ZNF334: variants seen among roughly 807,000 people sequenced by gnomAD.
The protein encoded by ZNF334 is zinc finger protein 334.
In ZNF334, 14 loss-of-function variants were observed where a neutral mutation model predicts 12.4. The observed-to-expected ratio is 1.13, with a 90% CI of 0.74 to 1.76. The LOEUF (loss-of-function observed/expected upper bound fraction) is 1.76, where lower values mean the gene tolerates loss of function less well. ZNF334 is among the 40% of genes most tolerant of loss of function. The pLI, the probability that ZNF334 is intolerant of heterozygous loss-of-function variation, is 0.00. For synonymous variants in ZNF334, 273 were observed against 269.6 expected (o/e 1.01, Z -0.12); for missense variants, 797 against 804.5 (o/e 0.99, Z 0.11).
chr20:46,463,004 T>C, the ZNF334 span, among the ~76,000 whole-genome samples: 2 of 152,170 alleles, frequency 1.3e-5, no homozygotes. Context: ...CCCAGCACTT[T>C]GGGAGGTCAA....
the ZNF334 span, chr20:46,463,770 T>G: frequency 8.0e-6 from 2 of 251,406 alleles, no homozygotes; most frequent in Admixed American, 8.2e-5. Flanking sequence ...AGGTAAAAAT[T>G]ATTAAGACAG....
rs567403136 is a variant in ZNF334, at chr20:46,509,985, C to T, written c.21+2097G>A. Among the ~76,000 whole-genome samples, 6 of 152,310 alleles carry T rather than the reference C, an allele frequency of 3.9e-5. 1 individual carries two copies. Among genetic ancestry groups the T allele is most frequent in the African/African-American group, 9.6e-5 (4 of 41,570 alleles). On this transcript the variant is annotated intron_variant, in intron 2 of 4. Transcript: ENST00000692313. ...ATGAGGACAGAGACAGTATCTCCTTCATTCAAGCTGAATGTAGACCATCTA... is the reference window on the plus strand; with the variant it reads ...ATGAGGACAGAGACAGTATCTCCTTTATTCAAGCTGAATGTAGACCATCTA...
rs772365628 is a variant in ZNF334, at chr20:46,503,024, G to A, written c.315C>T (p.Asn105=). 2 of 1,613,646 alleles carry A rather than the reference G, an allele frequency of 1.2e-6. No individual in the cohort carries two copies. Among genetic ancestry groups the A allele is most frequent in the East Asian group, 2.2e-5 (1 of 44,812 alleles). Residue 105 remains asparagine, a synonymous_variant, in exon 5 of 5, where the codon AAC becomes AAT. Transcript: ENST00000692313. The part of the protein sequence containing the change: ...KHLTQTVFFS[N]KTLITERENV... ...TCTCTCTTTCTGTAATCAGTGTTTT[G>A]TTGCTGAAGAATACAGTTTGTGTCA... is the stretch of plus-strand genomic sequence containing the variant.
rs199608666 is a variant in ZNF334, at chr20:46,512,150, G to A, written c.-38-10C>T. 4.4e-4 allele frequency: 709 copies of A among 1,607,198 alleles called. 5 individuals carry two copies. In the South Asian group the frequency reaches 6.0e-3, roughly 14 times the overall value. ...AGTGTTGAAAGCAGAGCTGGGTAAG[G>A]AAGAATGGCGAATGGAATCATGAGC... On this transcript the variant is annotated splice_polypyrimidine_tract_variant and intron_variant, in intron 1 of 4. Coordinates refer to ENST00000692313, the MANE Select transcript of ZNF334 (RefSeq NM_001353824.2).
chr20:46,481,758 A>T, the ZNF334 span, among the ~76,000 whole-genome samples: 1 of 152,220 alleles, frequency 6.6e-6, no homozygotes, highest in Non-Finnish European at 1.5e-5. Flanking sequence ...AAACTATGCT[A>T]ATTAAAATAA....
chr20:46,504,800 CAT>C, intron 2 of ZNF334, 60 bp from the exon 3 acceptor site: 2 of 1,490,856 alleles, frequency 1.3e-6, no homozygotes, highest in Non-Finnish European at 1.8e-6. Flanking sequence ...TGTATGGTAA[CAT>C]AAACTATAAG....
At chr20:46,473,179 A>G in the ZNF334 span, among the ~76,000 whole-genome samples, 1 of 152,112 alleles carries the variant, frequency 6.6e-6, no homozygotes, top group South Asian at 2.1e-4. Flanking sequence ...TGTAAATCTT[A>G]TTTTTATTTG....
downstream of ZNF334, among the ~76,000 whole-genome samples, chr20:46,497,963 C>CG (rs2061051597): frequency 5.4e-5 from 2 of 36,854 alleles, no homozygotes; most frequent in Non-Finnish European, 9.2e-5. Context: ...CAAGATTTCC[C>CG]CGTCTATGGA....
intron 2 of ZNF334, 182 bp from the exon 3 acceptor site, chr20:46,504,922 T>C: frequency 3.8e-6 from 2 of 528,288 alleles, no homozygotes; most frequent in Non-Finnish European, 6.5e-6. Flanking sequence ...TTTAAAAATG[T>C]GCTGAGCTTA....
chr20:46,473,756 C>A, the ZNF334 span, among the ~76,000 whole-genome samples: 237 of 152,288 alleles, frequency 1.6e-3, no homozygotes, highest in Middle Eastern at 6.8e-3. Context: ...GTGAGGAAGA[C>A]AAACCAGTTA....
chr20:46,508,740 C>T (rs79993267), intron 2 of ZNF334, among the ~76,000 whole-genome samples: 208 of 152,288 alleles, frequency 1.4e-3, no homozygotes, highest in African/African-American at 4.9e-3. Context: ...ACATGCAGGA[C>T]CTTCTCCTAC....
downstream of ZNF334, among the ~76,000 whole-genome samples, chr20:46,499,173 CAAAAAAAAAAAAAAAA>C (rs61489091): frequency 3.3e-5 from 2 of 59,766 alleles, no homozygotes; most frequent in Non-Finnish European, 5.4e-5. Flanking sequence ...GACTCCGTCT[CAAAAAAAAAAAAAAAA>C]AAAAAAAAAA....
At chr20:46,483,808 C>G in the ZNF334 span, among the ~76,000 whole-genome samples, 1 of 152,206 alleles carries the variant, frequency 6.6e-6, no homozygotes, top group Admixed American at 6.5e-5. Context: ...ATGTAAAAAA[C>G]TAGTCTGTCA....
At chr20:46,474,191 G>C in the ZNF334 span, among the ~76,000 whole-genome samples, 1 of 152,064 alleles carries the variant, frequency 6.6e-6, no homozygotes, top group Non-Finnish European at 1.5e-5. Context: ...TGGCTGACAT[G>C]GCGAAACCCC....
chr20:46,494,759 A>G (rs1317868168), downstream of ZNF334, among the ~76,000 whole-genome samples: 4 of 152,200 alleles, frequency 2.6e-5, no homozygotes, highest in African/African-American at 4.8e-5. Context: ...TGCTAACTCT[A>G]AAGTCTAGAG....
chr20:46,502,652 C>T lies in ZNF334; in HGVS notation c.687G>A (p.Gly229=). ...CATTTGGTTTCCTTTCAGTCTGTCTCCCCTTTTGTGTAATGAGAATTGCCC... is the reference window on the plus strand; with the variant it reads ...CATTTGGTTTCCTTTCAGTCTGTCTTCCCTTTTGTGTAATGAGAATTGCCC... ...FKRAILITQK[G]RQTERKPNEC... The change falls in exon 5 of 5, where the codon GGG becomes GGA. Residue 229 remains glycine, a synonymous_variant. Transcript: ENST00000692313. 2 of 1,612,610 alleles carry T rather than the reference C, an allele frequency of 1.2e-6. No individual in the cohort carries two copies. The highest frequency in any genetic ancestry group is 1.7e-6 in the Non-Finnish European group (2 of 1,180,000).
rs2145926579 is a variant in ZNF334 at position 46,500,255 on chromosome 20, A to G, written c.*1041T>C. 6.6e-6 allele frequency: 1 copy of G among 152,316 alleles called. No individual in the cohort carries two copies. The highest frequency in any genetic ancestry group is 2.4e-5 in the African/African-American group (1 of 41,566). 9.4% of individuals were successfully genotyped at this position (152,316 alleles called of 1,614,324 possible). A position where few individuals can be genotyped will look rare whatever the true frequency, so the allele number is the denominator to read the frequency against. ...GAAGCTAGGAATGGGTATAGGGAAA[A>G]TCCCACTCATGGAAATCAGAACTTG... On this transcript the variant is annotated 3_prime_UTR_variant, in exon 5 of 5. Coordinates refer to ENST00000692313, the MANE Select transcript of ZNF334 (RefSeq NM_001353824.2).
chr20:46,468,714 C>T, the ZNF334 span, among the ~76,000 whole-genome samples: 5 of 152,114 alleles, frequency 3.3e-5, no homozygotes, highest in Non-Finnish European at 7.4e-5. Flanking sequence ...GTTGCCATGG[C>T]AACGGTAAAC....
chr20:46,506,462 C>T (rs975141240), intron 2 of ZNF334: 2 of 406,460 alleles, frequency 4.9e-6, no homozygotes, highest in Non-Finnish European at 4.3e-6. Flanking sequence ...CCCATCTCTA[C>T]AAAAAAATAA....
Sources: allele counts gnomAD v4.1 joint callset (sites outside exome capture counted in the v4.1 genomes callset), GRCh38; gene constraint gnomAD v4.1.1; transcripts MANE v1.5; gene names NCBI Gene and HGNC (gene_info 2026-07-23, HGNC 2026-07-21).